SLC2A14: variants seen among roughly 807,000 people sequenced by gnomAD.
SLC2A14 encodes the protein solute carrier family 2, facilitated glucose transporter member 14.
Under a neutral mutation model 43.0 loss-of-function variants are expected in SLC2A14, and 13 were observed. That is an observed-to-expected ratio of 0.30 (90% CI 0.20 to 0.48). The LOEUF (loss-of-function observed/expected upper bound fraction) is 0.48. Among genes scored for constraint, SLC2A14 ranks in the 20% least tolerant of loss-of-function variants. The pLI is 0.99. For synonymous variants in SLC2A14, 190 were observed against 233.8 expected (o/e 0.81, Z 1.71); for missense variants, 428 against 620.4 (o/e 0.69, Z 3.29).
At chr12:7,820,259 T>A (rs1044735024) in intron 8 of SLC2A14, among the ~76,000 whole-genome samples, 1 of 149,570 alleles carries the variant, frequency 6.7e-6, no homozygotes, top group African/African-American at 2.5e-5. Flanking sequence ...GTTGTGTATT[T>A]CTGTGCTTTA....
At chr12:7,882,062 C>T (rs188193936) in intron 1 of SLC2A14, among the ~76,000 whole-genome samples, 10 of 152,166 alleles carry the variant, frequency 6.6e-5, no homozygotes, top group African/African-American at 2.2e-4. Flanking sequence ...GCAGTGGTAA[C>T]ATGTTGGCCT....
intron 4 of SLC2A14, among the ~76,000 whole-genome samples, chr12:7,830,849 C>A (rs981019633): frequency 6.6e-6 from 1 of 152,074 alleles, no homozygotes; most frequent in Non-Finnish European, 1.5e-5. Flanking sequence ...TTCAGCCAGG[C>A]ACAGTGGCTC....
chr12:7,870,428 G>A (rs902271207), intron 1 of SLC2A14, among the ~76,000 whole-genome samples: 4 of 152,268 alleles, frequency 2.6e-5, no homozygotes, highest in African/African-American at 7.2e-5. Flanking sequence ...GTTGGAAGTC[G>A]TGATTCTGCT....
intron 2 of SLC2A14, among the ~76,000 whole-genome samples, chr12:7,838,431 A>G (rs1376914345): frequency 6.6e-6 from 1 of 152,084 alleles, no homozygotes; most frequent in Non-Finnish European, 1.5e-5. Context: ...AGAATTTTGA[A>G]CTTGGAAGAC....
chr12:7,866,842 T>A lies in SLC2A14; in HGVS notation c.18+3021A>T, dbSNP rs12297867. Among the ~76,000 whole-genome samples, 4 of 152,308 alleles carry A rather than the reference T, an allele frequency of 2.6e-5. No individual in the cohort carries two copies. The South Asian group carries it at 8.3e-4, about 32-fold the overall frequency. On this transcript the variant is annotated intron_variant, in intron 2 of 10. Coordinates refer to ENST00000431042, the MANE Select transcript of SLC2A14 (RefSeq NM_001286234.2). ...AGAAGCTACAACTAGTTATCCAGAT[T>A]TAGCTAAGATAATTGATAAAAGTGG...
intron 2 of SLC2A14, among the ~76,000 whole-genome samples, chr12:7,868,166 A>C (rs929516913): frequency 6.6e-6 from 1 of 152,182 alleles, no homozygotes; most frequent in African/African-American, 2.4e-5. Context: ...AACCCTGATC[A>C]GTCGGCAGCC....
chr12:7,860,111 T>C (rs1944464563), intron 2 of SLC2A14, among the ~76,000 whole-genome samples: 1 of 152,072 alleles, frequency 6.6e-6, no homozygotes, highest in Non-Finnish European at 1.5e-5. Flanking sequence ...GGCCACCAGG[T>C]GGCAGTGTAT....
intron 3 of SLC2A14, among the ~76,000 whole-genome samples, chr12:7,832,459 C>A (rs374172312): frequency 6.6e-6 from 1 of 152,234 alleles, no homozygotes; most frequent in East Asian, 1.9e-4. Flanking sequence ...TTTTCCCCAC[C>A]AATATTGTCT....
chr12:7,842,918 G>A (rs1417605324), intron 2 of SLC2A14, among the ~76,000 whole-genome samples: 2 of 152,080 alleles, frequency 1.3e-5, no homozygotes, highest in East Asian at 3.9e-4. Context: ...AGTAGAGATA[G>A]GGTTTCTACA....
intron 1 of SLC2A14, among the ~76,000 whole-genome samples, chr12:7,889,726 G>T (rs1482363804): frequency 1.3e-5 from 2 of 151,390 alleles, no homozygotes; most frequent in Admixed American, 1.3e-4. Context: ...AGTAGAGACA[G>T]GGTTCCATTA....
Position 7,814,405 on chromosome 12 carries a change from G to A in SLC2A14, c.1405C>T (p.Gln469Ter), listed in dbSNP as rs1445976003. ...CCAGATCTATCTGCACCGTGTGCCTGCCCTTCAAAGGCCCGTGTGATATCC... is the reference window on the plus strand; with the variant it reads ...CCAGATCTATCTGCACCGTGTGCCTACCCTTCAAAGGCCCGTGTGATATCC... ...FEDITRAFEG[Q>*]AHGADRSGKD... is the part of the protein sequence containing the mutation. Residue 469 changes from glutamine (Q) to a stop codon, truncating the protein, a stop_gained, in exon 11 of 11, where the codon CAG becomes TAG. Transcript: ENST00000431042. LOFTEE classifies it low-confidence loss of function (END_TRUNC). The A allele has an allele frequency of 8.1e-6, 13 of 1,613,094 alleles. No individual in the cohort carries two copies. The highest frequency in any genetic ancestry group is 1.1e-5 in the Non-Finnish European group (13 of 1,179,732).
chr12:7,843,197 C>A (rs185938987), intron 2 of SLC2A14, among the ~76,000 whole-genome samples: 5 of 134,988 alleles, frequency 3.7e-5, no homozygotes, highest in Non-Finnish European at 8.6e-5. Context: ...TCTTTTTCAC[C>A]CTTTTTTATG....
intron 1 of SLC2A14, among the ~76,000 whole-genome samples, chr12:7,882,893 A>G (rs902735949): frequency 1.3e-5 from 2 of 149,754 alleles, no homozygotes; most frequent in African/African-American, 4.9e-5. Flanking sequence ...TCAAGTTTAA[A>G]AAAAAAAAAG....
At chr12:7,846,933 T>G (rs953619503) in intron 2 of SLC2A14, among the ~76,000 whole-genome samples, 4 of 150,302 alleles carry the variant, frequency 2.7e-5, no homozygotes, top group African/African-American at 9.7e-5. Flanking sequence ...CGTCTGGTCC[T>G]GAATATTCAT....
In SLC2A14 at chr12:7,821,299, G is replaced by A. The variant is rs1185779679; in HGVS notation, c.891C>T (p.Phe297=). 1.9e-6 allele frequency: 3 copies of A among 1,613,744 alleles called. No homozygotes were observed. ...TGGGCTGTTGAACACCTGCATCCTT[G>A]AAGATTCCTGTTGAGTAATAGAACA... ...NAVFYYSTGI[F]KDAGVQQPIY... is the part of the protein sequence containing the mutation. Residue 297 remains phenylalanine (F), a synonymous_variant, in exon 8 of 11, where the codon TTC becomes TTT. Coordinates refer to ENST00000431042, the MANE Select transcript of SLC2A14 (RefSeq NM_001286234.2).
chr12:7,836,051 C>T (rs1293691785), intron 2 of SLC2A14, among the ~76,000 whole-genome samples: 1 of 152,084 alleles, frequency 6.6e-6, no homozygotes, highest in African/African-American at 2.4e-5. Flanking sequence ...GTCTTCCTTC[C>T]TCTTTCCTCT....
intron 1 of SLC2A14, among the ~76,000 whole-genome samples, chr12:7,884,023 A>T (rs189870951): frequency 6.6e-6 from 1 of 151,730 alleles, no homozygotes; most frequent in African/African-American, 2.4e-5. Flanking sequence ...TCCCGGGTTC[A>T]CGCCATTCTC....
At chr12:7,861,339 T>C (rs1467694273) in intron 2 of SLC2A14, among the ~76,000 whole-genome samples, 1 of 152,060 alleles carries the variant, frequency 6.6e-6, no homozygotes, top group Non-Finnish European at 1.5e-5. Flanking sequence ...TCTAAGAAAA[T>C]TTTTTTATGT....
At chr12:7,864,532 G>A (rs111774196) in intron 2 of SLC2A14, among the ~76,000 whole-genome samples, 13 of 152,092 alleles carry the variant, frequency 8.5e-5, no homozygotes, top group African/African-American at 2.9e-4. Context: ...TAGAGACGGG[G>A]TTTCACCATG....
Sources: gnomAD v4.1 joint callset for allele counts (sites outside exome capture counted in the v4.1 genomes callset) on GRCh38, gnomAD v4.1.1 for gene constraint, MANE v1.5 for transcripts, NCBI Gene and HGNC (gene_info 2026-07-23, HGNC 2026-07-21) for gene names.